DLGAP1: variants seen among roughly 807,000 people sequenced by gnomAD.
DLGAP1 encodes the protein DLG associated protein 1.
In DLGAP1, 11 loss-of-function variants were observed where a neutral mutation model predicts 90.8. The observed-to-expected ratio is 0.12, with a 90% CI of 0.08 to 0.20. The LOEUF (loss-of-function observed/expected upper bound fraction) is 0.20, where lower values mean the gene tolerates loss of function less well. DLGAP1 is among the 10% of genes least tolerant of loss of function. The pLI is 1.00. For synonymous variants in DLGAP1, 558 were observed against 540.7 expected, an observed-to-expected ratio of 1.03 and a Z score of -0.44; for missense variants, 1,050 against 1,333.8, an observed-to-expected ratio of 0.79 and a Z score of 3.31.
At chr18:3,630,337 G>A (rs761002975) in intron 7 of DLGAP1, among the ~76,000 whole-genome samples, 2 of 152,126 alleles carry the variant, frequency 1.3e-5, no homozygotes, top group Non-Finnish European at 2.9e-5. Context: ...TTGTGAGCCT[G>A]CAGGTCCTCA....
In DLGAP1 at chr18:4,084,215, G is replaced by A. The variant is rs1488901130; in HGVS notation, c.-159+66965C>T. The stretch of plus-strand genomic sequence containing the variant: ...ACCTGGTGTCTTAGCATAATGACTT[G>A]CAGCACGCAGTGGTTATAGTAGCAT... On this transcript the variant is annotated intron_variant, in intron 2 of 12. Coordinates refer to ENST00000315677, the MANE Select transcript of DLGAP1 (RefSeq NM_004746.4). The surrounding 1 kb of genome is among the most constrained non-coding windows in gnomAD (Gnocchi z 4.0). 3.5e-5 allele frequency among the ~76,000 whole-genome samples: 5 copies of A among 143,446 alleles called. No individual in the cohort carries two copies. The highest frequency in any genetic ancestry group is 1.0e-4 in the African/African-American group (4 of 39,042). 94.1% of individuals were successfully genotyped at this position (143,446 alleles called of 152,430 possible).
At chr18:3,823,531 T>C (rs1377140052) in intron 4 of DLGAP1, among the ~76,000 whole-genome samples, 3 of 152,198 alleles carry the variant, frequency 2.0e-5, no homozygotes, top group African/African-American at 7.2e-5. Flanking sequence ...TTTGTCTTAC[T>C]CAAATTTCTA....
intron 9 of DLGAP1, among the ~76,000 whole-genome samples, chr18:3,552,785 A>G (rs1211405882): frequency 3.3e-5 from 5 of 152,206 alleles, no homozygotes; most frequent in African/African-American, 1.2e-4. Flanking sequence ...TTTTAGCTCC[A>G]TCTTCATCCC....
rs1452501517 is a variant in DLGAP1, at chr18:4,198,650, T to C, written c.-266-47363A>G. 5.3e-5 allele frequency among the ~76,000 whole-genome samples: 8 copies of C among 152,288 alleles called. No homozygotes were observed. The East Asian group carries it at 1.2e-3, about 22-fold the overall frequency. On this transcript the variant is annotated intron_variant, in intron 1 of 12. Coordinates refer to ENST00000315677, the MANE Select transcript of DLGAP1 (RefSeq NM_004746.4). ...TGAGTTGGCAAGAATGTCAGTAAAT[T>C]GCAGTTTTCAAAATTTTATCTTTAA...
intron 5 of DLGAP1, among the ~76,000 whole-genome samples, chr18:3,744,052 ATAAAT>A (rs1034510537): frequency 6.6e-6 from 1 of 152,200 alleles, no homozygotes; most frequent in African/African-American, 2.4e-5. Flanking sequence ...TCCTAATTAA[ATAAAT>A]TAAAGTTGAT....
intron 7 of DLGAP1, among the ~76,000 whole-genome samples, chr18:3,668,664 G>A (rs1008225938): frequency 6.6e-6 from 1 of 152,118 alleles, no homozygotes; most frequent in African/African-American, 2.4e-5. Flanking sequence ...GCTATCCTCA[G>A]TCGAAGCAGT....
chr18:4,331,053 C>T (rs2080939469), intron 1 of DLGAP1, among the ~76,000 whole-genome samples: 1 of 151,708 alleles, frequency 6.6e-6, no homozygotes, highest in South Asian at 2.1e-4. Flanking sequence ...ACTGGAATGT[C>T]CTCTTAATAA....
intron 10 of DLGAP1, among the ~76,000 whole-genome samples, chr18:3,513,155 TA>T (rs2050641493): frequency 6.6e-6 from 1 of 152,242 alleles, no homozygotes. Flanking sequence ...TTATTCCACT[TA>T]GCATATAGTC....
chr18:4,095,083 A>C (rs535135062), intron 2 of DLGAP1, among the ~76,000 whole-genome samples: 2 of 152,316 alleles, frequency 1.3e-5, no homozygotes, highest in East Asian at 3.9e-4. Context: ...TTGGATGACC[A>C]AGTAAAGAGG....
chr18:4,345,412 AC>A (rs1158346432), intron 1 of DLGAP1, among the ~76,000 whole-genome samples: 1 of 152,226 alleles, frequency 6.6e-6, no homozygotes, highest in Non-Finnish European at 1.5e-5. Context: ...ACTTATATGC[AC>A]TAGCAGTACA....
At chr18:3,713,310 C>A (rs1381358406) in intron 7 of DLGAP1, among the ~76,000 whole-genome samples, 1 of 152,158 alleles carries the variant, frequency 6.6e-6, no homozygotes, top group African/African-American at 2.4e-5. Flanking sequence ...GAGATATTAA[C>A]CCCACAACTG....
chr18:4,202,392 T>C (rs1487118987), intron 1 of DLGAP1, among the ~76,000 whole-genome samples: 1 of 152,162 alleles, frequency 6.6e-6, no homozygotes, highest in Non-Finnish European at 1.5e-5. Context: ...TTGGGTACAA[T>C]GTACACTACT....
chr18:4,171,025 A>G (rs931636352), intron 1 of DLGAP1, among the ~76,000 whole-genome samples: 1 of 152,140 alleles, frequency 6.6e-6, no homozygotes, highest in Non-Finnish European at 1.5e-5. Flanking sequence ...ATATGTGTGT[A>G]AATATCATAA....
intron 5 of DLGAP1, among the ~76,000 whole-genome samples, chr18:3,745,573 A>C (rs2063232742): frequency 6.6e-6 from 1 of 152,250 alleles, no homozygotes; most frequent in Admixed American, 6.5e-5. Context: ...CACGAAAATT[A>C]AATGTGGTTG....
chr18:4,061,145 C>A (rs2075292503), intron 2 of DLGAP1, among the ~76,000 whole-genome samples: 1 of 152,104 alleles, frequency 6.6e-6, no homozygotes, highest in Admixed American at 6.5e-5. Context: ...CAAGTTTTCA[C>A]CAAAAGTAAA....
chr18:3,848,040 A>G (rs892127480), intron 4 of DLGAP1, among the ~76,000 whole-genome samples: 8 of 136,836 alleles, frequency 5.8e-5, no homozygotes, highest in African/African-American at 2.2e-4. Context: ...AGGTGGGAGG[A>G]TCCTTTGAGC....
chr18:3,531,871 T>A (rs80294279), intron 10 of DLGAP1, among the ~76,000 whole-genome samples: 3,219 of 152,280 alleles, frequency 0.021, 47 homozygotes, highest in Non-Finnish European at 0.032. Flanking sequence ...TTTTCTTTTT[T>A]TGGAGACAGA....
At position 3,826,072 on chromosome 18, in the gene DLGAP1, C is replaced by T. The variant is rs149955143; in HGVS notation, c.958-11799G>A. 4.4e-4 allele frequency among the ~76,000 whole-genome samples: 67 copies of T among 152,236 alleles called. 1 individual carries two copies. The highest frequency in any genetic ancestry group is 1.8e-3 in the Admixed American group (28 of 15,292). On this transcript the variant is annotated intron_variant, in intron 4 of 12. Transcript: ENST00000315677. ...TTCTCACTTGTAAGTGGGAGCTAAA[C>T]GATGACTACACACAGACATAAAGAT...
intron 5 of DLGAP1, among the ~76,000 whole-genome samples, chr18:3,786,334 C>T (rs571687702): frequency 1.3e-4 from 20 of 152,090 alleles, no homozygotes; most frequent in African/African-American, 4.6e-4. Flanking sequence ...TTTATGATGA[C>T]GATGATGATG....
Sources: gnomAD v4.1 joint callset for allele counts (sites outside exome capture counted in the v4.1 genomes callset) on GRCh38, gnomAD v4.1.1 for gene constraint, Gnocchi (gnomAD v3.1) non-coding constraint, MANE v1.5 for transcripts, NCBI Gene and HGNC (gene_info 2026-07-23, HGNC 2026-07-21) for gene names.